The following NCOR1 variants were observed in gnomAD, a reference collection of about 807,000 sequenced individuals.
NCOR1 encodes the protein protein phosphatase 1, regulatory subunit 109.
A neutral mutation model predicts 288.1 loss-of-function variants in NCOR1; 63 were observed. That is an observed-to-expected ratio of 0.22 (90% CI 0.18 to 0.27). The LOEUF (loss-of-function observed/expected upper bound fraction) is 0.27. Among genes scored for constraint, NCOR1 ranks in the 10% least tolerant of loss-of-function variants. The pLI, the probability that NCOR1 is intolerant of heterozygous loss-of-function variation, is 1.00. For missense variants in NCOR1, 2,397 were observed against 3,019.2 expected (o/e 0.79, Z 4.83); for synonymous variants, 1,007 against 1,065.9 (o/e 0.94, Z 1.08).
Position 16,139,201 on chromosome 17 carries a change from C to G in NCOR1, c.1174-15G>C, listed in dbSNP as rs962359392. Reference sequence around the variant, plus strand: ...TTCTCATTATTCTGGAAAAAAAATACAATTTACTTAGAATAAAACATAAAC... The same window carrying G: ...TTCTCATTATTCTGGAAAAAAAATAGAATTTACTTAGAATAAAACATAAAC... On this transcript the variant is annotated splice_polypyrimidine_tract_variant and intron_variant, in intron 11 of 45. Coordinates refer to ENST00000268712, the MANE Select transcript of NCOR1 (RefSeq NM_006311.4). The G allele has an allele frequency of 6.2e-7, 1 of 1,604,608 alleles. No individual in the cohort carries two copies. Among genetic ancestry groups the G allele is most frequent in the African/African-American group, 1.3e-5 (1 of 74,340 alleles).
intron 8 of NCOR1, chr17:16,151,649 T>G (rs1421182319): frequency 7.2e-7 from 1 of 1,387,162 alleles, no homozygotes; most frequent in South Asian, 1.2e-5. Flanking sequence ...GGCAAAAAAT[T>G]CAAGCCTCAA....
intron 3 of NCOR1, among the ~76,000 whole-genome samples, chr17:16,185,006 A>C (rs1249697765): frequency 1.4e-5 from 2 of 142,772 alleles, no homozygotes; most frequent in Admixed American, 1.4e-4. Flanking sequence ...TGGAATCTTA[A>C]ACAAAAAAAA....
intron 45 of NCOR1, 71 bp downstream of exon 45, chr17:16,034,694 T>G: frequency 7.4e-7 from 1 of 1,356,082 alleles, no homozygotes; most frequent in African/African-American, 1.5e-5. Flanking sequence ...TGCTGAATTT[T>G]GAAGAACTAA....
At chr17:16,087,162 T>C in intron 22 of NCOR1, 1 of 1,302,200 alleles carries the variant, frequency 7.7e-7, no homozygotes, top group South Asian at 1.2e-5. Flanking sequence ...CACAGAGGAG[T>C]GATATTTACC....
At chr17:16,111,614 T>C (rs1364938371) in intron 18 of NCOR1, among the ~76,000 whole-genome samples, 1 of 150,562 alleles carries the variant, frequency 6.6e-6, no homozygotes, top group African/African-American at 2.4e-5. Context: ...AAAATAAAAT[T>C]AAATAAAAAT....
intron 42 of NCOR1, chr17:16,044,787 T>A: frequency 9.2e-7 from 1 of 1,087,924 alleles, no homozygotes; most frequent in Non-Finnish European, 1.4e-6. Flanking sequence ...AATGTCAACA[T>A]TGGGAGCCTC....
At chr17:16,212,107 A>T (rs1024033366) in intron 1 of NCOR1, among the ~76,000 whole-genome samples, 1 of 152,006 alleles carries the variant, frequency 6.6e-6, no homozygotes, top group African/African-American at 2.4e-5. Context: ...TCTACTAAAA[A>T]TACAAAAATT....
chr17:16,174,124 C>G lies in NCOR1; in HGVS notation c.243-2129G>C, dbSNP rs570111400. ...AATGTCATTAAATGACAATACTACA[C>G]AAAGCAACCTGTGGATTCAATGTAA... On this transcript the variant is annotated intron_variant, in intron 3 of 45. Transcript: ENST00000268712. Among the ~76,000 whole-genome samples the G allele has an allele frequency of 3.0e-4, 45 of 152,308 alleles. 1 individual carries two copies. In the South Asian group the frequency reaches 8.7e-3, roughly 29 times the overall value.
rs760118142 is a variant in NCOR1 at position 16,057,576 on chromosome 17, G to A, written c.6330C>T (p.Val2110=). The A allele has an allele frequency of 2.1e-5, 34 of 1,613,998 alleles. No homozygotes were observed. Among genetic ancestry groups the A allele is most frequent in the Non-Finnish European group, 2.7e-5 (32 of 1,180,034 alleles). ...RYSPESQAQS[V]HHQRPGSRVS... ...CCCTTGAACCTGGTCTTTGATGATG[G>A]ACAGACTGAGCCTGGGATTCTGGGC... is the stretch of plus-strand genomic sequence containing the variant. Residue 2110 remains valine (V), a synonymous_variant, in exon 40 of 46, where the codon GTC becomes GTT. Transcript: ENST00000268712.
intron 34 of NCOR1, among the ~76,000 whole-genome samples, chr17:16,064,593 ACT>A (rs921728681): frequency 6.6e-6 from 1 of 151,702 alleles, no homozygotes; most frequent in Non-Finnish European, 1.5e-5. Flanking sequence ...ACAGAGCCAG[ACT>A]CTGTCTCCAA....
At chr17:16,132,791 CTT>C (rs34110444) in intron 14 of NCOR1, among the ~76,000 whole-genome samples, 52 of 130,048 alleles carry the variant, frequency 4.0e-4, no homozygotes, top group African/African-American at 1.4e-3. Context: ...GCAAACTACA[CTT>C]TTTTTTTTTT....
chr17:16,124,846 T>C (rs1242405713), intron 15 of NCOR1, among the ~76,000 whole-genome samples: 2 of 152,168 alleles, frequency 1.3e-5, no homozygotes, highest in Non-Finnish European at 2.9e-5. Context: ...TATACTAATA[T>C]ATACTACCTG....
At position 16,070,537 on chromosome 17, in the gene NCOR1, G is replaced by C; in HGVS notation, c.4153-12C>G. 1.9e-6 allele frequency: 3 copies of C among 1,608,142 alleles called. No homozygotes were observed. Among genetic ancestry groups the C allele is most frequent in the South Asian group, 1.1e-5 (1 of 90,222 alleles). Reference sequence around the variant, plus strand: ...TTTATTGGTGTGCCCTAAAGGGAAAGAAACAAACATTACAGGTAGCAAAGT... The same window carrying C: ...TTTATTGGTGTGCCCTAAAGGGAAACAAACAAACATTACAGGTAGCAAAGT... On this transcript the variant is annotated splice_polypyrimidine_tract_variant and intron_variant, in intron 30 of 45. Transcript: ENST00000268712.
chr17:16,039,343 T>C, intron 44 of NCOR1, 90 bp downstream of exon 44: 1 of 1,246,696 alleles, frequency 8.0e-7, no homozygotes, highest in Non-Finnish European at 1.1e-6. Flanking sequence ...AAGACATAAA[T>C]GAAATGTCTT....
chr17:16,076,925 C>T (rs1158711222), intron 26 of NCOR1, among the ~76,000 whole-genome samples: 1 of 152,178 alleles, frequency 6.6e-6, no homozygotes, highest in Non-Finnish European at 1.5e-5. Context: ...CACTGGTCAA[C>T]AGAAATAGCC....
intron 35 of NCOR1, among the ~76,000 whole-genome samples, 186 bp downstream of exon 35, chr17:16,063,882 T>C (rs1394361187): frequency 6.6e-6 from 1 of 152,226 alleles, no homozygotes. Context: ...CATTTTTCCG[T>C]GTAAAATTCA....
chr17:16,115,834 A>G (rs1598848512), intron 18 of NCOR1, among the ~76,000 whole-genome samples: 1 of 152,076 alleles, frequency 6.6e-6, no homozygotes, highest in East Asian at 1.9e-4. Context: ...AACTGTTGCA[A>G]CCTCTGCCTG....
intron 7 of NCOR1, among the ~76,000 whole-genome samples, chr17:16,152,985 A>G (rs1036032941): frequency 6.6e-6 from 1 of 152,188 alleles, no homozygotes; most frequent in African/African-American, 2.4e-5. Flanking sequence ...ATTTATGCAC[A>G]GATTTTTAAT....
chr17:16,130,869 T>G (rs2075501077), intron 14 of NCOR1, among the ~76,000 whole-genome samples: 1 of 151,398 alleles, frequency 6.6e-6, no homozygotes, highest in Non-Finnish European at 1.5e-5. Flanking sequence ...TTGTATTTTT[T>G]GTAGAGATGA....
Sources: allele counts gnomAD v4.1 joint callset (sites outside exome capture counted in the v4.1 genomes callset), GRCh38; gene constraint gnomAD v4.1.1; transcripts MANE v1.5; gene names NCBI Gene and HGNC (gene_info 2026-07-23, HGNC 2026-07-21).